The following ST18 variants were observed in gnomAD, a reference collection of about 807,000 sequenced individuals.
ST18 encodes the protein suppression of tumorigenicity 18 protein.
Under a neutral mutation model 110.0 loss-of-function variants are expected in ST18, and 50 were observed. The ratio of observed to expected loss-of-function variants is 0.45; its 90% CI spans 0.36 to 0.58. The LOEUF (loss-of-function observed/expected upper bound fraction) is 0.58. Ranked by LOEUF, ST18 falls within the 20% of genes least tolerant of loss-of-function variation. The pLI is 0.00. For synonymous variants in ST18, 461 were observed against 452.4 expected (o/e 1.02, Z -0.24); for missense variants, 1,306 against 1,280.1 (o/e 1.02, Z -0.31).
At chr8:52,196,284 T>C (rs889290064) in intron 8 of ST18, among the ~76,000 whole-genome samples, 2 of 152,204 alleles carry the variant, frequency 1.3e-5, no homozygotes, top group African/African-American at 4.8e-5. Flanking sequence ...GAGAGAAAGT[T>C]TGGTAAGCCC....
At chr8:52,306,999 CT>C (rs2095824096) in intron 2 of ST18, among the ~76,000 whole-genome samples, 1 of 152,056 alleles carries the variant, frequency 6.6e-6, no homozygotes, top group Non-Finnish European at 1.5e-5. Context: ...TCAGGTACAA[CT>C]TTCAAACTGA....
At chr8:52,266,846 G>GATT (rs2094888105) in intron 2 of ST18, among the ~76,000 whole-genome samples, 1 of 152,132 alleles carries the variant, frequency 6.6e-6, no homozygotes, top group Non-Finnish European at 1.5e-5. Flanking sequence ...TTTCTTAGAG[G>GATT]AGCAAGAAAG....
intron 2 of ST18, among the ~76,000 whole-genome samples, chr8:52,323,899 A>G (rs1032327541): frequency 6.6e-6 from 1 of 152,170 alleles, no homozygotes; most frequent in Non-Finnish European, 1.5e-5. Flanking sequence ...TTGTTCCCCT[A>G]ACTGCAGCCA....
At position 52,149,865 on chromosome 8, in the gene ST18, G is replaced by T; in HGVS notation, c.1919C>A (p.Pro640His). 6.2e-7 allele frequency: 1 copy of T among 1,614,182 alleles called. No individual in the cohort carries two copies. The highest frequency in any genetic ancestry group is 8.5e-7 in the Non-Finnish European group (1 of 1,180,036). The change falls in exon 16 of 26, where the codon CCT (proline) becomes CAT (histidine). Residue 640 changes from proline (P) to histidine (H), a missense_variant. Transcript: ENST00000689386. ...LTSSNTSIPT[P>H]SSSPFKTSSI... is the part of the protein sequence containing the mutation. ...GCTTGTTTTGAATGGGGAAGAGGAA[G>T]GAGTTGGAATAGAAGTGTTAGAGGA...
chr8:52,376,666 T>C (rs1832509374), intron 2 of ST18, among the ~76,000 whole-genome samples: 1 of 151,832 alleles, frequency 6.6e-6, no homozygotes, highest in Admixed American at 6.6e-5. Context: ...AGCGTCTTTG[T>C]CTCCTTCACT....
chr8:52,180,510 G>T (rs984557908), intron 8 of ST18, among the ~76,000 whole-genome samples, 198 bp from the exon 9 acceptor site: 17 of 151,768 alleles, frequency 1.1e-4, no homozygotes, highest in Non-Finnish European at 2.4e-4. Context: ...CTTATCAGAA[G>T]AATTTTTTTT....
At chr8:52,347,535 G>C (rs1818317177) in intron 2 of ST18, among the ~76,000 whole-genome samples, 2 of 152,178 alleles carry the variant, frequency 1.3e-5, no homozygotes, top group Admixed American at 1.3e-4. Context: ...GATGAAGAGA[G>C]AGGAGAGAGG....
chr8:52,200,956 A>AG (rs1484500030), intron 8 of ST18: 1 of 152,272 alleles, frequency 6.6e-6, no homozygotes, highest in Non-Finnish European at 1.5e-5. Context: ...TCTGAAATTC[A>AG]GGAAAGAGAG....
intron 2 of ST18, among the ~76,000 whole-genome samples, chr8:52,366,887 C>T (rs960776023): frequency 2.6e-5 from 4 of 152,102 alleles, no homozygotes; most frequent in Non-Finnish European, 4.4e-5. Context: ...TAGAAAATAG[C>T]GGGCCACAGT....
chr8:52,345,502 A>G (rs897898688), intron 2 of ST18, among the ~76,000 whole-genome samples: 22 of 152,236 alleles, frequency 1.4e-4, no homozygotes, highest in Admixed American at 4.6e-4. Context: ...TGCAGAAGAG[A>G]TGATACCAGT....
intron 2 of ST18, among the ~76,000 whole-genome samples, chr8:52,258,574 A>G (rs1333353724): frequency 2.0e-5 from 3 of 152,152 alleles, no homozygotes; most frequent in Non-Finnish European, 4.4e-5. Context: ...TATATCTTGC[A>G]GCCTTGCTAA....
intron 7 of ST18, 28 bp downstream of exon 7, chr8:52,214,175 G>T: frequency 6.2e-7 from 1 of 1,612,732 alleles, no homozygotes; most frequent in Non-Finnish European, 8.5e-7. Flanking sequence ...GGTGGGCATA[G>T]TGTCATAGAA....
intron 2 of ST18, among the ~76,000 whole-genome samples, chr8:52,290,339 AC>A (rs1233585174): frequency 2.0e-5 from 3 of 152,202 alleles, no homozygotes; most frequent in African/African-American, 7.2e-5. Flanking sequence ...TTCAGTGAAC[AC>A]ATTGTGTTCC....
At chr8:52,157,786 A>C (rs1413643113) in intron 15 of ST18, among the ~76,000 whole-genome samples, 1 of 152,254 alleles carries the variant, frequency 6.6e-6, no homozygotes, top group Non-Finnish European at 1.5e-5. Flanking sequence ...TCAAATGCTC[A>C]GTGGCACCGT....
chr8:52,358,544 G>A (rs992990278), intron 2 of ST18, among the ~76,000 whole-genome samples: 2 of 151,738 alleles, frequency 1.3e-5, no homozygotes, highest in African/African-American at 4.8e-5. Flanking sequence ...GAAATAAAAA[G>A]AATTGCAAGA....
At position 52,355,882 on chromosome 8, in the gene ST18, T is replaced by C. The variant is rs889869205; in HGVS notation, c.-465+53446A>G. Among the ~76,000 whole-genome samples, 18 of 152,320 alleles carry C rather than the reference T, an allele frequency of 1.2e-4. No homozygotes were observed. The East Asian group carries it at 3.5e-3, about 29-fold the overall frequency. ...GAACAGGGCTTGCCTTCATTTCATC[T>C]GACTTGAAGCATTACAAGGGCTAGG... On this transcript the variant is annotated intron_variant, in intron 2 of 25. Coordinates refer to ENST00000689386, the MANE Select transcript of ST18 (RefSeq NM_001352837.2).
chr8:52,210,784 T>C (rs1344735462), intron 8 of ST18, among the ~76,000 whole-genome samples: 1 of 152,112 alleles, frequency 6.6e-6, no homozygotes, highest in East Asian at 1.9e-4. Flanking sequence ...GAGAAGAGTA[T>C]CTGCATGAAT....
intron 2 of ST18, among the ~76,000 whole-genome samples, chr8:52,364,669 C>T (rs1300014921): frequency 6.6e-6 from 1 of 152,122 alleles, no homozygotes; most frequent in Non-Finnish European, 1.5e-5. Flanking sequence ...GGCTATTAAG[C>T]AAGTTTAATC....
chr8:52,321,938 A>C (rs1323215427), intron 2 of ST18, among the ~76,000 whole-genome samples: 1 of 152,112 alleles, frequency 6.6e-6, no homozygotes, highest in African/African-American at 2.4e-5. Flanking sequence ...TCACCTCCTA[A>C]ATAATTAGAG....
Sources: allele counts gnomAD v4.1 joint callset (sites outside exome capture counted in the v4.1 genomes callset), GRCh38; gene constraint gnomAD v4.1.1; transcripts MANE v1.5; gene names NCBI Gene and HGNC (gene_info 2026-07-23, HGNC 2026-07-21).